Variants in DOK5 observed in about 807,000 individuals in gnomAD.
The protein encoded by DOK5 is downstream of tyrosine kinase 5.
Under a neutral mutation model 43.3 loss-of-function variants are expected in DOK5, and 27 were observed. The observed-to-expected ratio is 0.62, with a 90% CI of 0.46 to 0.86. DOK5 has a LOEUF of 0.86. Among genes scored for constraint, DOK5 ranks in the 40% least tolerant of loss-of-function variants. The pLI is 0.00. For missense variants in DOK5, 373 were observed against 392.9 expected (o/e 0.95, Z 0.43); for synonymous variants, 146 against 140.1 (o/e 1.04, Z -0.30).
chr20:54,561,922 G>T (rs929038746), intron 2 of DOK5, among the ~76,000 whole-genome samples: 1 of 152,182 alleles, frequency 6.6e-6, no homozygotes, highest in African/African-American at 2.4e-5. Flanking sequence ...CTTCCAAAGT[G>T]CTGGGATTAC....
At chr20:54,622,217 T>A (rs796651802) in intron 6 of DOK5, among the ~76,000 whole-genome samples, 13 of 141,332 alleles carry the variant, frequency 9.2e-5, no homozygotes, top group African/African-American at 3.8e-4. Flanking sequence ...ATAAAAAAAA[T>A]AAAATAAAAA....
chr20:54,584,092 T>C (rs1187141962), intron 2 of DOK5, among the ~76,000 whole-genome samples: 1 of 151,956 alleles, frequency 6.6e-6, no homozygotes, highest in African/African-American at 2.4e-5. Flanking sequence ...AGAGGTTAGC[T>C]GAGATCACAC....
intron 7 of DOK5, among the ~76,000 whole-genome samples, chr20:54,649,895 T>A (rs925385794): frequency 6.6e-6 from 1 of 152,222 alleles, no homozygotes; most frequent in Admixed American, 6.5e-5. Context: ...ACAACCCTTA[T>A]ATTATTAATA....
At chr20:54,558,032 G>A (rs1036713571) in intron 2 of DOK5, among the ~76,000 whole-genome samples, 8 of 152,192 alleles carry the variant, frequency 5.3e-5, no homozygotes, top group African/African-American at 1.9e-4. Context: ...AGCAAGAAAT[G>A]TTATCAGTAG....
intron 1 of DOK5, among the ~76,000 whole-genome samples, chr20:54,513,480 A>C (rs1042915733): frequency 2.7e-5 from 4 of 150,834 alleles, no homozygotes; most frequent in South Asian, 4.2e-4. Context: ...AAAAAAAAAA[A>C]AAAAAAAACC....
chr20:54,638,066 G>C (rs889316603), intron 6 of DOK5, among the ~76,000 whole-genome samples: 1 of 150,814 alleles, frequency 6.6e-6, no homozygotes, highest in Non-Finnish European at 1.5e-5. Flanking sequence ...AGCTTGCAGT[G>C]AGCCGAGATC....
At chr20:54,573,767 G>T (rs886586009) in intron 2 of DOK5, among the ~76,000 whole-genome samples, 4 of 150,314 alleles carry the variant, frequency 2.7e-5, no homozygotes, top group Non-Finnish European at 5.9e-5. Flanking sequence ...TCCACGTAAT[G>T]ACCTCTAGCA....
chr20:54,630,597 A>G (rs1464144651), intron 6 of DOK5, among the ~76,000 whole-genome samples: 1 of 152,208 alleles, frequency 6.6e-6, no homozygotes, highest in Non-Finnish European at 1.5e-5. Flanking sequence ...ACCCGCCTGA[A>G]TGACAAGCTG....
At chr20:54,484,615 A>G (rs983544991) in intron 1 of DOK5, among the ~76,000 whole-genome samples, 1 of 152,178 alleles carries the variant, frequency 6.6e-6, no homozygotes, top group South Asian at 2.1e-4. Context: ...GATCCTTCAC[A>G]GTCTTCTTAT....
chr20:54,538,187 A>T (rs1313918332), intron 1 of DOK5, among the ~76,000 whole-genome samples: 1 of 151,742 alleles, frequency 6.6e-6, no homozygotes, highest in Non-Finnish European at 1.5e-5. Context: ...GTGAGAAAAA[A>T]ATTGGTTTTA....
At chr20:54,496,787 G>GA (rs376595754) in intron 1 of DOK5, among the ~76,000 whole-genome samples, 1 of 126,542 alleles carries the variant, frequency 7.9e-6, no homozygotes, top group Non-Finnish European at 1.7e-5. Flanking sequence ...AAAAAAAAAA[G>GA]AAAAAAATGA....
chr20:54,533,324 A>G (rs1983844592), intron 1 of DOK5, among the ~76,000 whole-genome samples: 1 of 152,162 alleles, frequency 6.6e-6, no homozygotes, highest in Non-Finnish European at 1.5e-5. Context: ...GTTGAGAGCT[A>G]TTGCTGTAAG....
intron 1 of DOK5, among the ~76,000 whole-genome samples, chr20:54,512,602 A>G (rs1286863150): frequency 1.3e-5 from 2 of 152,242 alleles, no homozygotes; most frequent in Non-Finnish European, 1.5e-5. Flanking sequence ...ATGGGTTTTG[A>G]TAAGAAAGTT....
chr20:54,505,123 T>C (rs1025383534), intron 1 of DOK5, among the ~76,000 whole-genome samples: 1 of 152,148 alleles, frequency 6.6e-6, no homozygotes, highest in Non-Finnish European at 1.5e-5. Context: ...TACCAGTGGT[T>C]TGACCTTGGG....
chr20:54,506,313 A>G (rs1236209961), intron 1 of DOK5, among the ~76,000 whole-genome samples: 1 of 152,166 alleles, frequency 6.6e-6, no homozygotes, highest in African/African-American at 2.4e-5. Context: ...AAAGATGTTA[A>G]TTTTGAGCTG....
At chr20:54,604,429 A>C (rs1234956576) in intron 5 of DOK5, among the ~76,000 whole-genome samples, 1 of 151,070 alleles carries the variant, frequency 6.6e-6, no homozygotes, top group South Asian at 2.1e-4. Flanking sequence ...TCTCAACTGT[A>C]CATTTCCTTT....
intron 1 of DOK5, among the ~76,000 whole-genome samples, chr20:54,545,521 C>T (rs1304661881): frequency 1.3e-5 from 2 of 152,144 alleles, no homozygotes; most frequent in Admixed American, 1.3e-4. Context: ...AGTTTACCAC[C>T]ACCATGGCAG....
chr20:54,553,417 G>C (rs1188772905), intron 1 of DOK5, among the ~76,000 whole-genome samples: 2 of 151,744 alleles, frequency 1.3e-5, no homozygotes, highest in Non-Finnish European at 2.9e-5. Context: ...GGATGGTCTC[G>C]ATCTCCTGAC....
At chr20:54,506,499 C>T (rs963987224) in intron 1 of DOK5, among the ~76,000 whole-genome samples, 1 of 152,154 alleles carries the variant, frequency 6.6e-6, no homozygotes, top group Non-Finnish European at 1.5e-5. Context: ...CTTTCTCTGT[C>T]ACCCAGGCTG....
Sources: gnomAD v4.1 joint callset for allele counts (sites outside exome capture counted in the v4.1 genomes callset) on GRCh38, gnomAD v4.1.1 for gene constraint, MANE v1.5 for transcripts, NCBI Gene and HGNC (gene_info 2026-07-23, HGNC 2026-07-21) for gene names.